Variants in PCDHA2 observed in about 807,000 individuals in gnomAD.
PCDHA2 encodes protocadherin alpha-2.
In PCDHA2, 58 loss-of-function variants were observed where a neutral mutation model predicts 66.0. The observed-to-expected ratio is 0.88, with a 90% CI of 0.71 to 1.09. The LOEUF (loss-of-function observed/expected upper bound fraction) is 1.09, where lower values mean the gene tolerates loss of function less well. PCDHA2 is among the 50% of genes least tolerant of loss of function. PCDHA2 has a pLI of 0.00. For synonymous variants in PCDHA2, 634 were observed against 554.0 expected (o/e 1.14, Z -2.03); for missense variants, 1,267 against 1,242.3 (o/e 1.02, Z -0.30).
At chr5:140,990,962 T>C (rs2097423975) in intron 3 of PCDHA2, among the ~76,000 whole-genome samples, 2 of 152,180 alleles carry the variant, frequency 1.3e-5, no homozygotes, top group Non-Finnish European at 2.9e-5. Context: ...AATAGTCTCT[T>C]AGAACAAGAG....
At chr5:140,992,186 A>G (rs1436291226) in intron 3 of PCDHA2, among the ~76,000 whole-genome samples, 1 of 152,166 alleles carries the variant, frequency 6.6e-6, no homozygotes, top group East Asian at 1.9e-4. Context: ...TCATGCTTTC[A>G]GTGATCTATC....
intron 1 of PCDHA2, chr5:140,809,483 A>G: frequency 6.2e-7 from 1 of 1,614,234 alleles, no homozygotes; most frequent in Non-Finnish European, 8.5e-7. Flanking sequence ...GGGCCCACCC[A>G]AGACCGACCT....
chr5:140,821,537 A>G (rs1240082650), intron 1 of PCDHA2: 6 of 468,714 alleles, frequency 1.3e-5, no homozygotes, highest in African/African-American at 1.2e-4. Context: ...TAAAACACTT[A>G]CCCTTTCATC....
At chr5:140,822,549 A>G (rs1554128705) in intron 1 of PCDHA2, 3 of 1,613,866 alleles carry the variant, frequency 1.9e-6, no homozygotes, top group Non-Finnish European at 2.5e-6. Flanking sequence ...CAAGTGGGAC[A>G]TTAGTTATTA....
At chr5:140,977,634 T>A (rs187884163) in intron 1 of PCDHA2, among the ~76,000 whole-genome samples, 83 of 152,298 alleles carry the variant, frequency 5.4e-4, no homozygotes, top group African/African-American at 1.9e-3. Context: ...TTGTAACTTT[T>A]TCTGGGCCTT....
rs549701659 is a variant in PCDHA2 at position 140,937,333 on chromosome 5, G to C, written c.2389-41616G>C. On this transcript the variant is annotated intron_variant, in intron 1 of 3. Transcript: ENST00000526136. ...ATTACAGGCGTGAGCCACCGCGCCCGGCTTCTTCCATTTATTTTATTATTT... is the reference window on the plus strand; with the variant it reads ...ATTACAGGCGTGAGCCACCGCGCCCCGCTTCTTCCATTTATTTTATTATTT... Among the ~76,000 whole-genome samples the C allele has an allele frequency of 2.8e-3, 423 of 151,952 alleles. 2 individuals carry two copies. Among genetic ancestry groups the C allele is most frequent in the Middle Eastern group, 0.014 (4 of 294 alleles).
chr5:140,985,716 A>G (rs960879186), intron 3 of PCDHA2, among the ~76,000 whole-genome samples: 7 of 113,758 alleles, frequency 6.2e-5, no homozygotes, highest in Admixed American at 2.6e-4. Flanking sequence ...TCTTAAAGTT[A>G]TTTTTCCTTC....
chr5:140,967,119 T>C lies in PCDHA2; in HGVS notation c.2389-11830T>C, dbSNP rs374670692. 97 of 1,612,790 alleles carry C rather than the reference T, an allele frequency of 6.0e-5. No homozygotes were observed. The highest frequency in any genetic ancestry group is 8.1e-5 in the Non-Finnish European group (95 of 1,179,410). The stretch of plus-strand genomic sequence containing the variant: ...CTGTGTGAGCAGCGGCCTCGCTGCC[T>C]GCTCAGCTTGGAAGTGCTGGCGCAC... On this transcript the variant is annotated intron_variant, in intron 1 of 3. Transcript: ENST00000526136.
Position 140,841,426 on chromosome 5 carries a change from C to A in PCDHA2, c.2388+44074C>A, listed in dbSNP as rs17844313. 720 of 1,612,904 alleles carry A rather than the reference C, an allele frequency of 4.5e-4. 14 individuals are homozygous for A. The East Asian group carries it at 5.0e-3, about 11-fold the overall frequency. ...GGAGCGGCCAGCTCCACTACTCCGT[C>A]CCCGAGGAGGCCAAACACGGCACCT... On this transcript the variant is annotated intron_variant, in intron 1 of 3. Coordinates refer to ENST00000526136, the MANE Select transcript of PCDHA2 (RefSeq NM_018905.3).
intron 1 of PCDHA2, among the ~76,000 whole-genome samples, chr5:140,960,639 C>T (rs1184483884): frequency 5.9e-5 from 9 of 152,058 alleles, no homozygotes; most frequent in Admixed American, 5.9e-4. Flanking sequence ...ATTTTTAAAA[C>T]CCCTATCCAA....
At chr5:140,895,590 T>C (rs1554186569) in intron 1 of PCDHA2, among the ~76,000 whole-genome samples, 2 of 152,208 alleles carry the variant, frequency 1.3e-5, no homozygotes, top group Non-Finnish European at 2.9e-5. Context: ...ATTAGATATA[T>C]AATTTGCAAA....
Position 140,937,138 on chromosome 5 carries a change from T to C in PCDHA2, c.2389-41811T>C, listed in dbSNP as rs368450201. On this transcript the variant is annotated intron_variant, in intron 1 of 3. Coordinates refer to ENST00000526136, the MANE Select transcript of PCDHA2 (RefSeq NM_018905.3). ...CTGCAAGCTCCGCCTCCCGGGTTCA[T>C]GCCATTCTCCTGCCTCAGCCTCCCG... is the stretch of plus-strand genomic sequence containing the variant. 1.7e-4 allele frequency among the ~76,000 whole-genome samples: 25 copies of C among 151,290 alleles called. 1 individual carries two copies. In the South Asian group the frequency reaches 2.7e-3, roughly 16 times the overall value.
chr5:140,833,757 C>A (rs1554133954), intron 1 of PCDHA2, among the ~76,000 whole-genome samples: 1 of 151,886 alleles, frequency 6.6e-6, no homozygotes, highest in Admixed American at 6.6e-5. Context: ...AGAAAACACA[C>A]ACACACACAC....
intron 1 of PCDHA2, among the ~76,000 whole-genome samples, chr5:140,957,190 A>G (rs2153712685): frequency 6.6e-6 from 1 of 152,294 alleles, no homozygotes; most frequent in South Asian, 2.1e-4. Context: ...TTGATGACCG[A>G]TTGGGAATAT....
intron 1 of PCDHA2, among the ~76,000 whole-genome samples, chr5:140,970,865 T>C (rs1255232385): frequency 6.6e-6 from 1 of 152,180 alleles, no homozygotes; most frequent in Non-Finnish European, 1.5e-5. Context: ...CCATTCCTGA[T>C]TGAGAGTAGA....
At chr5:140,870,614 C>A (rs782305059) in intron 1 of PCDHA2, 1 of 1,613,212 alleles carries the variant, frequency 6.2e-7, no homozygotes, top group South Asian at 1.1e-5. Flanking sequence ...CGCGCGCTGT[C>A]GAGCTACGTG....
chr5:140,807,163 C>A, intron 1 of PCDHA2: 1 of 1,594,326 alleles, frequency 6.3e-7, no homozygotes, highest in Non-Finnish European at 8.5e-7. Flanking sequence ...GATATTTAAT[C>A]AGAACAAAAT....
In PCDHA2 at chr5:140,945,865, A is replaced by T. The variant is rs184952981; in HGVS notation, c.2389-33084A>T. ...ATTAAAGACTTAAACATAGACCTGAAATTGTAAAACTAACAAAGAAAACAC... is the reference window on the plus strand; with the variant it reads ...ATTAAAGACTTAAACATAGACCTGATATTGTAAAACTAACAAAGAAAACAC... On this transcript the variant is annotated intron_variant, in intron 1 of 3. Coordinates refer to ENST00000526136, the MANE Select transcript of PCDHA2 (RefSeq NM_018905.3). Among the ~76,000 whole-genome samples, 23 of 152,290 alleles carry T rather than the reference A, an allele frequency of 1.5e-4. No individual in the cohort carries two copies. The East Asian group carries it at 4.2e-3, about 28-fold the overall frequency.
At position 140,843,595 on chromosome 5, in the gene PCDHA2, G is replaced by GTT. The variant is rs1423829570; in HGVS notation, c.2388+46244_2388+46245insTT. On this transcript the variant is annotated intron_variant, in intron 1 of 3. Coordinates refer to ENST00000526136, the MANE Select transcript of PCDHA2 (RefSeq NM_018905.3). ...ACTCGCAACAACAGCCGCAGAGGGT[G>GTT]TGCTCTGGTGAGGGGCCACCGAAGA... The GTT allele has an allele frequency of 1.2e-5, 19 of 1,595,984 alleles. 3 individuals carry two copies. The highest frequency in any genetic ancestry group is 1.5e-5 in the Non-Finnish European group (18 of 1,165,530).
Sources: allele counts gnomAD v4.1 joint callset (sites outside exome capture counted in the v4.1 genomes callset), GRCh38; gene constraint gnomAD v4.1.1; transcripts MANE v1.5; gene names NCBI Gene and HGNC (gene_info 2026-07-23, HGNC 2026-07-21).